Variants in ALPL observed in about 807,000 individuals in gnomAD.
The protein encoded by ALPL is alkaline phosphatase, tissue-nonspecific isozyme.
A neutral mutation model predicts 51.3 loss-of-function variants in ALPL; 42 were observed. That is an observed-to-expected ratio of 0.82 (90% CI 0.64 to 1.06). ALPL has a LOEUF of 1.06. Among genes scored for constraint, ALPL ranks in the 50% least tolerant of loss-of-function variants. The probability of loss-of-function intolerance (pLI) is 0.00; values close to 1 mark genes in which losing one functional copy is unlikely to be tolerated. For missense variants in ALPL, 589 were observed against 709.4 expected, an observed-to-expected ratio of 0.83 and a Z score of 1.93; for synonymous variants, 279 against 296.4, an observed-to-expected ratio of 0.94 and a Z score of 0.60.
intron 1 of ALPL, among the ~76,000 whole-genome samples, chr1:21,543,720 C>T (rs12567402): frequency 0.29 from 43,933 of 152,050 alleles, 6,874 homozygotes; most frequent in South Asian, 0.43. Flanking sequence ...TTTTGTGGCT[C>T]GGGGCATTTG....
chr1:21,574,216 G>A (rs1025917417), intron 9 of ALPL: 9 of 985,416 alleles, frequency 9.1e-6, no homozygotes, highest in Admixed American at 1.2e-4. Context: ...AGACAGACCT[G>A]AATTCTTGGC....
At chr1:21,510,167 C>A (rs372669175) in intron 1 of ALPL, among the ~76,000 whole-genome samples, 1 of 152,204 alleles carries the variant, frequency 6.6e-6, no homozygotes, top group African/African-American at 2.4e-5. Flanking sequence ...AGCCTGCCGC[C>A]CCCTTTAGGC....
rs113487079 is a variant in ALPL at position 21,509,753 on chromosome 1, G to T, written c.-105+236G>T. ...CTCTGGGCGGGACAGGAGATTGGACGTGGCGCCCGCGGAGCCGGCGAACTC... is the reference window on the plus strand; with the variant it reads ...CTCTGGGCGGGACAGGAGATTGGACTTGGCGCCCGCGGAGCCGGCGAACTC... On this transcript the variant is annotated intron_variant, in intron 1 of 11. Transcript: ENST00000374840. This position sits in a 1 kb window ranked among gnomAD's most constrained non-coding sequence, Gnocchi z 6.0. Among the ~76,000 whole-genome samples the T allele has an allele frequency of 1.3e-5, 2 of 152,160 alleles. No homozygotes were observed. The highest frequency in any genetic ancestry group is 4.8e-5 in the African/African-American group (2 of 41,456).
chr1:21,568,630 C>T (rs927718621), intron 7 of ALPL, among the ~76,000 whole-genome samples: 2 of 152,004 alleles, frequency 1.3e-5, no homozygotes, highest in South Asian at 2.1e-4. Flanking sequence ...GCTCTGCAGG[C>T]GCCCTGGGGG....
intron 10 of ALPL, 49 bp downstream of exon 10, chr1:21,575,973 C>T: frequency 6.2e-7 from 1 of 1,604,434 alleles, no homozygotes; most frequent in Non-Finnish European, 8.5e-7. Flanking sequence ...TCCTGTCTAC[C>T]CACCTGGGAG....
In ALPL at chr1:21,553,184, C is replaced by T. The variant is rs12093291; in HGVS notation, c.-104-794C>T. ...TCCACCTAAACTCTTCAATTACATC[C>T]GACTTTAAATATATATATATTTTTT... On this transcript the variant is annotated intron_variant, in intron 1 of 11. Transcript: ENST00000374840. Among the ~76,000 whole-genome samples, 1,281 of 151,178 alleles carry T rather than the reference C, an allele frequency of 8.5e-3. 19 individuals are homozygous for T. Among genetic ancestry groups the T allele is most frequent in the African/African-American group, 0.029 (1,191 of 41,228 alleles).
chr1:21,549,797 A>T (rs1050104181), intron 1 of ALPL, among the ~76,000 whole-genome samples: 1 of 152,218 alleles, frequency 6.6e-6, no homozygotes. Context: ...TGCCATTTAC[A>T]ATAGTTCCCC....
chr1:21,554,871 T>C (rs200920643), intron 2 of ALPL, among the ~76,000 whole-genome samples: 14 of 129,110 alleles, frequency 1.1e-4, no homozygotes, highest in South Asian at 4.8e-4. Flanking sequence ...CTTTCTTTCT[T>C]TCTCTCTTTC....
At chr1:21,517,882 C>T (rs1296450123) in intron 1 of ALPL, among the ~76,000 whole-genome samples, 2 of 152,024 alleles carry the variant, frequency 1.3e-5, no homozygotes, top group Non-Finnish European at 1.5e-5. Flanking sequence ...TTCCCAGATT[C>T]CTTCTAAGTA....
rs976412376 is a variant in ALPL at position 21,564,121 on chromosome 1, G to C, written c.553G>C (p.Asp185His). 6.2e-7 allele frequency: 1 copy of C among 1,613,976 alleles called. No individual in the cohort carries two copies. The highest frequency in any genetic ancestry group is 1.3e-5 in the African/African-American group (1 of 74,940). ...SAAYAHSADR[D>H]WYSDNEMPPE... ...CGCCTACGCCCACTCGGCTGACCGG[G>C]ACTGGTACTCAGACAACGAGATGCC... The change falls in exon 6 of 12, where the codon GAC becomes CAC. Residue 185 changes from aspartate (D) to histidine (H), a missense_variant. Coordinates refer to ENST00000374840, the MANE Select transcript of ALPL (RefSeq NM_000478.6). The surrounding 1 kb of genome is among the most constrained non-coding windows in gnomAD (Gnocchi z 5.8).
Position 21,564,289 on chromosome 1 carries a change from A to G in ALPL, c.648+73A>G. ...CTGGTGGGCAGGAGGCCTCAGGCCC[A>G]GGCTGGCCCGGAGAAAGCAGCCTGG... On this transcript the variant is annotated intron_variant, in intron 6 of 11. Coordinates refer to ENST00000374840, the MANE Select transcript of ALPL (RefSeq NM_000478.6). The surrounding 1 kb of genome is among the most constrained non-coding windows in gnomAD (Gnocchi z 5.8). 6.3e-7 allele frequency: 1 copy of G among 1,582,516 alleles called. No individual in the cohort carries two copies. Among genetic ancestry groups the G allele is most frequent in the Non-Finnish European group, 8.6e-7 (1 of 1,162,030 alleles).
intron 1 of ALPL, among the ~76,000 whole-genome samples, chr1:21,520,606 G>C (rs1643873713): frequency 2.0e-5 from 3 of 151,534 alleles, no homozygotes; most frequent in Admixed American, 2.0e-4. Flanking sequence ...GGACTACAGG[G>C]GTGTGCCACC....
intron 1 of ALPL, among the ~76,000 whole-genome samples, chr1:21,543,534 C>CCGAGATCA (rs1644216523): frequency 6.6e-6 from 1 of 152,122 alleles, no homozygotes; most frequent in East Asian, 1.9e-4. Flanking sequence ...TTGCCATGAG[C>CCGAGATCA]CGAGATCACG....
Position 21,564,965 on chromosome 1 carries a change from C to T in ALPL, c.648+749C>T, listed in dbSNP as rs1644542842. On this transcript the variant is annotated intron_variant, in intron 6 of 11. Coordinates refer to ENST00000374840, the MANE Select transcript of ALPL (RefSeq NM_000478.6). This position sits in a 1 kb window ranked among gnomAD's most constrained non-coding sequence, Gnocchi z 5.8. ...ATCCATGTGACGCTTACTCTCTGTT[C>T]TTAAGTGAGAATGCCCGGCTCGTTC... Among the ~76,000 whole-genome samples, 2 of 152,314 alleles carry T rather than the reference C, an allele frequency of 1.3e-5. No individual in the cohort carries two copies. The highest frequency in any genetic ancestry group is 4.1e-4 in the South Asian group (2 of 4,826).
chr1:21,522,927 C>T (rs531402227), intron 1 of ALPL, among the ~76,000 whole-genome samples: 7 of 152,274 alleles, frequency 4.6e-5, no homozygotes, highest in African/African-American at 1.7e-4. Context: ...ATCCTCATAT[C>T]AGCCCTAGGA....
intron 2 of ALPL, among the ~76,000 whole-genome samples, chr1:21,556,358 A>G (rs1237066369): frequency 1.3e-5 from 2 of 152,158 alleles, no homozygotes; most frequent in Admixed American, 6.5e-5. Context: ...TGGCTTTAGC[A>G]GGCCTGGTAT....
At chr1:21,573,291 G>A (rs1316191548) in intron 8 of ALPL, among the ~76,000 whole-genome samples, 2 of 152,026 alleles carry the variant, frequency 1.3e-5, no homozygotes, top group African/African-American at 4.8e-5. Flanking sequence ...ACAAAAATTA[G>A]CTGGGTGTGG....
At chr1:21,533,060 C>T (rs1185708681) in intron 1 of ALPL, among the ~76,000 whole-genome samples, 1 of 152,216 alleles carries the variant, frequency 6.6e-6, no homozygotes, top group Non-Finnish European at 1.5e-5. Flanking sequence ...ACCAGCCCTT[C>T]CTGGGTCAGC....
intron 2 of ALPL, among the ~76,000 whole-genome samples, chr1:21,558,091 C>T (rs1331585964): frequency 6.6e-6 from 1 of 152,236 alleles, no homozygotes; most frequent in Non-Finnish European, 1.5e-5. Flanking sequence ...TCCAGTTGTC[C>T]AGAGCCATTG....
Sources: allele counts gnomAD v4.1 joint callset (sites outside exome capture counted in the v4.1 genomes callset), GRCh38; gene constraint gnomAD v4.1.1; non-coding constraint Gnocchi (gnomAD v3.1); transcripts MANE v1.5; gene names NCBI Gene and HGNC (gene_info 2026-07-23, HGNC 2026-07-21).